Variants in DAB1 observed in about 807,000 individuals in gnomAD.
DAB1 encodes disabled homolog 1.
Under a neutral mutation model 64.6 loss-of-function variants are expected in DAB1, and 15 were observed. The ratio of observed to expected loss-of-function variants is 0.23; its 90% CI spans 0.16 to 0.36. The LOEUF (loss-of-function observed/expected upper bound fraction) is 0.36, where lower values mean the gene tolerates loss of function less well. Among genes scored for constraint, DAB1 ranks in the 10% least tolerant of loss-of-function variants. DAB1 has a pLI of 1.00. For synonymous variants in DAB1, 235 were observed against 251.9 expected, an observed-to-expected ratio of 0.93 and a Z score of 0.64; for missense variants, 596 against 706.7, an observed-to-expected ratio of 0.84 and a Z score of 1.78.
chr1:58,247,555 A>G (rs1253895855), intron 4 of DAB1, among the ~76,000 whole-genome samples: 1 of 152,206 alleles, frequency 6.6e-6, no homozygotes, highest in Non-Finnish European at 1.5e-5. Flanking sequence ...TCTGTGGTAC[A>G]ATGTGTATTT....
At chr1:58,059,111 C>G (rs1648329519) in intron 5 of DAB1, among the ~76,000 whole-genome samples, 1 of 152,206 alleles carries the variant, frequency 6.6e-6, no homozygotes, top group African/African-American at 2.4e-5. Context: ...CTGCCTGTCT[C>G]CCTTACTGTG....
intron 5 of DAB1, among the ~76,000 whole-genome samples, chr1:58,143,739 C>A (rs1302597885): frequency 6.6e-6 from 1 of 152,156 alleles, no homozygotes; most frequent in Non-Finnish European, 1.5e-5. Context: ...TTATTTTCCT[C>A]CAATAACAGC....
At chr1:57,425,935 T>A (rs150382743), upstream of DAB1, among the ~76,000 whole-genome samples, 1 of 152,152 alleles carries the variant, frequency 6.6e-6, no homozygotes, top group Non-Finnish European at 1.5e-5. Context: ...AGTTTCTTCA[T>A]CTATGAAGAC....
chr1:57,230,423 A>G (rs1667588162), intron 2 of DAB1, among the ~76,000 whole-genome samples: 1 of 152,152 alleles, frequency 6.6e-6, no homozygotes, highest in Admixed American at 6.5e-5. Context: ...CATTATGATA[A>G]GGAAATAGAA....
rs1251120038 is a variant in DAB1, at chr1:56,997,936, G to A, written c.*208C>T. 3 of 152,652 alleles carry A rather than the reference G, an allele frequency of 2.0e-5. No individual in the cohort carries two copies. The East Asian group carries it at 5.8e-4, about 29-fold the overall frequency. 9.5% of individuals were successfully genotyped at this position (152,652 alleles called of 1,614,324 possible). A position where few individuals can be genotyped will look rare whatever the true frequency, so the allele number is the denominator to read the frequency against. ...CTGCCATAGATATCTGCCATTGGTT[G>A]CCAAAAATGCTTAGTTCCCTCTTCT... is the stretch of plus-strand genomic sequence containing the variant. On this transcript the variant is annotated 3_prime_UTR_variant, in exon 15 of 15. Transcript: ENST00000371236.
chr1:57,946,421 A>C (rs1376587026), intron 5 of DAB1, among the ~76,000 whole-genome samples: 1 of 152,152 alleles, frequency 6.6e-6, no homozygotes, highest in Non-Finnish European at 1.5e-5. Context: ...ATTGCACAAA[A>C]ATATAAATTG....
At chr1:57,031,649 C>T (rs1046250931) in intron 9 of DAB1, among the ~76,000 whole-genome samples, 6 of 152,218 alleles carry the variant, frequency 3.9e-5, no homozygotes, top group Admixed American at 2.0e-4. Flanking sequence ...TCTTGTTCAT[C>T]GATCCATCAC....
intron 1 of DAB1, among the ~76,000 whole-genome samples, chr1:57,868,049 C>A (rs1387424275): frequency 1.3e-5 from 2 of 152,146 alleles, no homozygotes; most frequent in Non-Finnish European, 2.9e-5. Flanking sequence ...AAAGCTCCAG[C>A]CCAGCTCTGG....
intron 7 of DAB1, among the ~76,000 whole-genome samples, chr1:57,441,267 TCTTTC>T (rs1347943285): frequency 0.16 from 8,970 of 56,524 alleles, 428 homozygotes; most frequent in African/African-American, 0.2. Context: ...TTCTTTTCTT[TCTTTC>T]TCTTTCTTTC....
At position 58,480,941 on chromosome 1, in the gene DAB1, A is replaced by C. The variant is rs761684491; in HGVS notation, n.257+25119T>G. 3.5e-6 allele frequency: 3 copies of C among 848,376 alleles called. No homozygotes were observed. The East Asian group carries it at 7.3e-5, about 21-fold the overall frequency. 52.6% of individuals were successfully genotyped at this position (848,376 alleles called of 1,614,324 possible). ...ATAAGGACTGCAACATTCTTCATAT[A>C]TCTTGTGTCTCATAAATTTTAATTC... On this transcript the variant is annotated intron_variant and non_coding_transcript_variant, in intron 3 of 20. Coordinates refer to the DAB1 transcript ENST00000485760.
rs961696775 is a variant in DAB1 at position 57,688,569 on chromosome 1, G to A, written n.552-38904C>T. The stretch of plus-strand genomic sequence containing the variant: ...ACCCAGCAATACCATTACTGGGTAC[G>A]TACCCAAAGGAAAATAGATCATTAT... On this transcript the variant is annotated intron_variant and non_coding_transcript_variant, in intron 6 of 20. Transcript: ENST00000485760. Among the ~76,000 whole-genome samples the A allele has an allele frequency of 3.3e-5, 5 of 152,064 alleles. 1 individual carries two copies. Among genetic ancestry groups the A allele is most frequent in the Middle Eastern group, 6.8e-3 (2 of 294 alleles).
rs1393930386 is a variant in DAB1 at position 57,025,173 on chromosome 1, A to G, written c.786+808T>C. Among the ~76,000 whole-genome samples the G allele has an allele frequency of 4.6e-5, 7 of 152,178 alleles. 1 individual carries two copies. The highest frequency in any genetic ancestry group is 4.6e-4 in the Admixed American group (7 of 15,276). ...TCTCTGCCCTCCTCCGGGAATGGGC[A>G]GGGGAGGGGCTGGAGGGGCCATCTC... is the stretch of plus-strand genomic sequence containing the variant. On this transcript the variant is annotated intron_variant, in intron 10 of 14. Coordinates refer to ENST00000371236, the MANE Select transcript of DAB1 (RefSeq NM_001365792.1).
At chr1:57,806,398 T>G (rs1651364019) in intron 6 of DAB1, among the ~76,000 whole-genome samples, 1 of 152,132 alleles carries the variant, frequency 6.6e-6, no homozygotes, top group South Asian at 2.1e-4. Flanking sequence ...AAAGGGGGCA[T>G]CTGGACACAG....
intron 2 of DAB1, among the ~76,000 whole-genome samples, chr1:57,169,476 A>G (rs972369548): frequency 6.6e-6 from 1 of 152,198 alleles, no homozygotes; most frequent in Non-Finnish European, 1.5e-5. Flanking sequence ...ACGGGAATTT[A>G]TCTGACCCCA....
intron 7 of DAB1, among the ~76,000 whole-genome samples, chr1:57,448,238 T>C (rs983805013): frequency 1.1e-4 from 17 of 152,236 alleles, no homozygotes; most frequent in African/African-American, 2.4e-5. Context: ...GCAGTCTAAA[T>C]AGGTGCACAA....
At chr1:57,779,828 T>A (rs1649981392) in intron 6 of DAB1, among the ~76,000 whole-genome samples, 5 of 152,018 alleles carry the variant, frequency 3.3e-5, no homozygotes, top group Admixed American at 3.3e-4. Context: ...CACAGACAGT[T>A]CCCCCATCAC....
At chr1:57,602,052 G>A (rs12032941) in intron 7 of DAB1, among the ~76,000 whole-genome samples, 1 of 151,766 alleles carries the variant, frequency 6.6e-6, no homozygotes, top group South Asian at 2.1e-4. Context: ...GTGTAATTTG[G>A]GGAAAGTCTT....
intron 4 of DAB1, among the ~76,000 whole-genome samples, chr1:58,171,082 T>C (rs1293884200): frequency 6.6e-6 from 1 of 152,206 alleles, no homozygotes; most frequent in Non-Finnish European, 1.5e-5. Context: ...ATGCCTTTCT[T>C]GTTATGCCTG....
intron 7 of DAB1, among the ~76,000 whole-genome samples, chr1:57,560,762 C>A (rs1336911901): frequency 6.6e-6 from 1 of 152,136 alleles, no homozygotes; most frequent in Admixed American, 6.5e-5. Flanking sequence ...GATAGGGATG[C>A]TGTTTGGAGC....
Sources: allele counts gnomAD v4.1 joint callset (sites outside exome capture counted in the v4.1 genomes callset), GRCh38; gene constraint gnomAD v4.1.1; transcripts MANE v1.5; gene names NCBI Gene and HGNC (gene_info 2026-07-23, HGNC 2026-07-21).